Variants in PLCB1 observed in about 807,000 individuals in gnomAD.
PLCB1 encodes phospholipase C beta 1.
In PLCB1, 46 loss-of-function variants were observed where a neutral mutation model predicts 161.8. The observed-to-expected ratio is 0.28, with a 90% confidence interval of 0.22 to 0.36. The LOEUF is 0.36. PLCB1 is among the 10% of genes least tolerant of loss of function. PLCB1 has a pLI of 1.00. For missense variants in PLCB1, 1,016 were observed against 1,472.5 expected, an observed-to-expected ratio of 0.69 and a Z score of 5.07; for synonymous variants, 517 against 503.7, an observed-to-expected ratio of 1.03 and a Z score of -0.35.
chr20:8,744,655 T>TA (rs138625524), intron 23 of PLCB1, among the ~76,000 whole-genome samples: 10 of 142,938 alleles, frequency 7.0e-5, no homozygotes, highest in African/African-American at 2.8e-4. Context: ...TAAAATAAAA[T>TA]AAAAAAATAA....
At chr20:8,732,840 T>C (rs1472526273) in intron 18 of PLCB1, among the ~76,000 whole-genome samples, 2 of 124,660 alleles carry the variant, frequency 1.6e-5, no homozygotes, top group Non-Finnish European at 3.4e-5. Context: ...ACTATATTTA[T>C]ATATAATTAT....
intron 3 of PLCB1, among the ~76,000 whole-genome samples, chr20:8,612,785 TAAG>T: frequency 6.6e-6 from 1 of 152,182 alleles, no homozygotes; most frequent in Non-Finnish European, 1.5e-5. Context: ...CTTCTTTCTA[TAAG>T]AAGGACATTT....
At chr20:8,223,106 T>A (rs1979500009) in intron 2 of PLCB1, among the ~76,000 whole-genome samples, 1 of 152,186 alleles carries the variant, frequency 6.6e-6, no homozygotes, top group Non-Finnish European at 1.5e-5. Flanking sequence ...GGAATTCTAT[T>A]TCTGCCACAG....
At chr20:8,283,953 C>T (rs1214907427) in intron 2 of PLCB1, among the ~76,000 whole-genome samples, 1 of 151,896 alleles carries the variant, frequency 6.6e-6, no homozygotes, top group Non-Finnish European at 1.5e-5. Flanking sequence ...ATGGATACAA[C>T]TTATCTTTAA....
chr20:8,377,805 G>T (rs1448869492), intron 3 of PLCB1, among the ~76,000 whole-genome samples: 1 of 152,134 alleles, frequency 6.6e-6, no homozygotes, highest in Non-Finnish European at 1.5e-5. Context: ...TTTGGTTCTG[G>T]ATATTTAAAT....
In PLCB1 at chr20:8,677,118, G is replaced by T. The variant is rs542589401; in HGVS notation, c.863-7814G>T. Among the ~76,000 whole-genome samples the T allele has an allele frequency of 2.3e-4, 35 of 152,174 alleles. 1 individual carries two copies. The highest frequency in any genetic ancestry group is 4.7e-4 in the Non-Finnish European group (32 of 68,024). On this transcript the variant is annotated intron_variant, in intron 9 of 31. Coordinates refer to ENST00000338037, the MANE Select transcript of PLCB1 (RefSeq NM_015192.4). ...GTATAAAAGTTTAAAATCCGGTCAG[G>T]CATGTTGGCTCAGGCCTGTAATCCC...
chr20:8,595,088 A>C (rs1174273600), intron 3 of PLCB1, among the ~76,000 whole-genome samples: 7 of 152,192 alleles, frequency 4.6e-5, no homozygotes, highest in Non-Finnish European at 1.0e-4. Context: ...TAATATGTCT[A>C]TACAAAATAT....
At chr20:8,783,610 C>T (rs920729771) in intron 27 of PLCB1, among the ~76,000 whole-genome samples, 1 of 151,866 alleles carries the variant, frequency 6.6e-6, no homozygotes, top group Non-Finnish European at 1.5e-5. Context: ...GCTGGACTAA[C>T]TTAGGCCAGA....
chr20:8,373,972 G>A (rs1025048422), intron 3 of PLCB1, among the ~76,000 whole-genome samples: 12 of 152,114 alleles, frequency 7.9e-5, no homozygotes, highest in African/African-American at 2.9e-4. Context: ...CAGCGGAATT[G>A]CCAGGTTCAG....
chr20:8,507,527 A>G (rs932177257), intron 3 of PLCB1, among the ~76,000 whole-genome samples: 1 of 152,204 alleles, frequency 6.6e-6, no homozygotes, highest in African/African-American at 2.4e-5. Context: ...AGGACGGTGA[A>G]CATTTTAAGG....
At chr20:8,731,938 T>C (rs982165590) in intron 18 of PLCB1, among the ~76,000 whole-genome samples, 5 of 152,048 alleles carry the variant, frequency 3.3e-5, no homozygotes, top group African/African-American at 1.2e-4. Flanking sequence ...TAAATGAAAC[T>C]TTAGAATAAT....
intron 2 of PLCB1, among the ~76,000 whole-genome samples, chr20:8,321,506 T>G (rs1022334984): frequency 1.3e-5 from 2 of 152,082 alleles, no homozygotes; most frequent in African/African-American, 4.8e-5. Flanking sequence ...TAGGAGAACC[T>G]TTGAAGACAT....
intron 2 of PLCB1, among the ~76,000 whole-genome samples, chr20:8,334,885 C>T (rs963325411): frequency 2.0e-5 from 3 of 152,176 alleles, no homozygotes; most frequent in African/African-American, 7.2e-5. Flanking sequence ...GGTCAACATG[C>T]CATTGCAGAA....
chr20:8,874,086 G>T (rs573620409), intron 31 of PLCB1, among the ~76,000 whole-genome samples: 1 of 151,970 alleles, frequency 6.6e-6, no homozygotes, highest in South Asian at 2.1e-4. Context: ...ACAAAAAATG[G>T]TAAGTATTTG....
chr20:8,442,036 A>C (rs1321111135), intron 3 of PLCB1, among the ~76,000 whole-genome samples: 1 of 152,210 alleles, frequency 6.6e-6, no homozygotes, highest in Non-Finnish European at 1.5e-5. Flanking sequence ...TTGAATCTAG[A>C]ATATAGAAAT....
intron 31 of PLCB1, among the ~76,000 whole-genome samples, chr20:8,800,321 A>G (rs1984223978): frequency 6.6e-6 from 1 of 152,260 alleles, no homozygotes; most frequent in African/African-American, 2.4e-5. Context: ...TTTTCTGTCA[A>G]CAGAAATCAA....
chr20:8,318,083 G>T (rs1984739914), intron 2 of PLCB1, among the ~76,000 whole-genome samples: 1 of 150,990 alleles, frequency 6.6e-6, no homozygotes. Context: ...TAAGTAAAAT[G>T]GCAGTTACAA....
chr20:8,744,650 TAAAATA>T (rs201043753), intron 23 of PLCB1, among the ~76,000 whole-genome samples: 2,067 of 149,728 alleles, frequency 0.014, 54 homozygotes, highest in African/African-American at 0.047. Context: ...TAAAATAAAA[TAAAATA>T]AAAAAATAAA....
intron 3 of PLCB1, among the ~76,000 whole-genome samples, chr20:8,489,620 A>G (rs1982864713): frequency 6.6e-6 from 1 of 152,180 alleles, no homozygotes; most frequent in Non-Finnish European, 1.5e-5. Flanking sequence ...AGCAGGTGGT[A>G]GAAATCATAA....
Sources: allele counts gnomAD v4.1 joint callset (sites outside exome capture counted in the v4.1 genomes callset), GRCh38; gene constraint gnomAD v4.1.1; transcripts MANE v1.5; gene names NCBI Gene and HGNC (gene_info 2026-07-23, HGNC 2026-07-21).